The following CLCN6 variants were observed in gnomAD, a reference collection of about 807,000 sequenced individuals.
CLCN6 encodes Cl-/H+ antiporter 6, also known as H(+)/Cl(-) exchange transporter 6.
CLCN6 carries 70 observed loss-of-function variants against 109.8 expected under a neutral mutation model. That is an observed-to-expected ratio of 0.64 (90% CI 0.53 to 0.78). The LOEUF is 0.78. Among genes scored for constraint, CLCN6 ranks in the 30% least tolerant of loss-of-function variants. The pLI, the probability that CLCN6 is intolerant of heterozygous loss-of-function variation, is 0.00. For synonymous variants in CLCN6, 444 were observed against 447.8 expected (o/e 0.99, Z 0.11); for missense variants, 984 against 1,142.3 (o/e 0.86, Z 2.00).
chr1:11,813,218 C>A (rs926880085), intron 2 of CLCN6, among the ~76,000 whole-genome samples: 1 of 152,174 alleles, frequency 6.6e-6, no homozygotes, highest in African/African-American at 2.4e-5. Context: ...TCCCATTAAT[C>A]TGCCTTTTGT....
chr1:11,830,743 A>ATAT (rs1402305219), intron 13 of CLCN6, among the ~76,000 whole-genome samples: 2 of 100,640 alleles, frequency 2.0e-5, no homozygotes, highest in Non-Finnish European at 4.3e-5. Context: ...TATATTATAT[A>ATAT]TATATATATA....
In CLCN6 at chr1:11,806,215, C is replaced by T; in HGVS notation, c.-48C>T. On this transcript the variant is annotated 5_prime_UTR_variant, in exon 1 of 23. Coordinates refer to ENST00000346436, the MANE Select transcript of CLCN6 (RefSeq NM_001286.5). ...CAGTCACGTGAGGCGCAGATCCTGG[C>T]TGGGAGGGGGTTGGTAGAGGGGTCC... 7.2e-7 allele frequency: 1 copy of T among 1,387,078 alleles called. No homozygotes were observed. The highest frequency in any genetic ancestry group is 9.4e-7 in the Non-Finnish European group (1 of 1,063,258). The allele number at this position is 1,387,078 out of a possible 1,614,324, so 85.9% of individuals were successfully genotyped here. A position where few individuals can be genotyped will look rare whatever the true frequency, so the allele number is the denominator to read the frequency against.
chr1:11,814,957 C>T (rs56170537), intron 2 of CLCN6, among the ~76,000 whole-genome samples: 66 of 151,210 alleles, frequency 4.4e-4, no homozygotes, highest in Non-Finnish European at 6.6e-4. Context: ...GGTGTGAACC[C>T]GGGAGGCGGA....
At chr1:11,808,924 T>A (rs1278066763) in intron 2 of CLCN6, among the ~76,000 whole-genome samples, 2 of 151,996 alleles carry the variant, frequency 1.3e-5, no homozygotes, top group Non-Finnish European at 2.9e-5. Context: ...AATGGCTCGA[T>A]CTCAGCTCAC....
chr1:11,824,436 A>T (rs547643862), intron 7 of CLCN6, 50 bp from the exon 8 acceptor site: 2 of 1,489,314 alleles, frequency 1.3e-6, no homozygotes, highest in Admixed American at 3.5e-5. Flanking sequence ...CTCCTGACCC[A>T]GGGGCGTTTC....
Position 11,833,701 on chromosome 1 carries a change from T to C in CLCN6, c.1372+63T>C, listed in dbSNP as rs1251440511. 9 of 1,604,754 alleles carry C rather than the reference T, an allele frequency of 5.6e-6. No individual in the cohort carries two copies. The East Asian group carries it at 2.0e-4, about 36-fold the overall frequency. On this transcript the variant is annotated intron_variant, in intron 14 of 22. Coordinates refer to ENST00000346436, the MANE Select transcript of CLCN6 (RefSeq NM_001286.5). ...GTGTCATCTCGGACACAGCCAGGCT[T>C]GCCCTTCATTCCAAGCAAGACCAGG...
intron 2 of CLCN6, among the ~76,000 whole-genome samples, chr1:11,810,383 TAGAA>T (rs985999566): frequency 1.4e-4 from 21 of 152,162 alleles, no homozygotes; most frequent in Admixed American, 5.2e-4. Flanking sequence ...ACCTTTGAAT[TAGAA>T]AGAGGCACAC....
At chr1:11,808,034 C>T (rs558706402) in intron 2 of CLCN6, among the ~76,000 whole-genome samples, 6 of 152,070 alleles carry the variant, frequency 3.9e-5, no homozygotes, top group Non-Finnish European at 7.4e-5. Context: ...GGATTTGTAG[C>T]ACTTTTTTGT....
intron 13 of CLCN6, 85 bp from the exon 14 acceptor site, chr1:11,833,430 C>G: frequency 7.2e-7 from 1 of 1,389,820 alleles, no homozygotes; most frequent in Non-Finnish European, 1.0e-6. Flanking sequence ...GTGCAGCCAC[C>G]TGTTTTGGAC....
intron 21 of CLCN6, 26 bp from the exon 22 acceptor site, chr1:11,838,509 G>A: frequency 6.2e-7 from 1 of 1,606,832 alleles, no homozygotes; most frequent in South Asian, 1.1e-5. Context: ...GTCTCAGGCA[G>A]TCAGTGACAC....
intron 2 of CLCN6, among the ~76,000 whole-genome samples, chr1:11,808,714 A>G (rs1292828256): frequency 6.9e-6 from 1 of 145,740 alleles, no homozygotes; most frequent in Non-Finnish European, 1.5e-5. Flanking sequence ...ATTTGACAAC[A>G]TAATTAGGAC....
intron 22 of CLCN6, among the ~76,000 whole-genome samples, chr1:11,839,606 G>A (rs1235485157): frequency 3.9e-5 from 6 of 152,210 alleles, no homozygotes; most frequent in Non-Finnish European, 4.4e-5. Context: ...TGCATAGTGC[G>A]TACTTACACA....
chr1:11,836,027 C>A lies in CLCN6; in HGVS notation c.1854C>A (p.Ile618=). 2 of 1,614,024 alleles carry A rather than the reference C, an allele frequency of 1.2e-6. No homozygotes were observed. Among genetic ancestry groups the A allele is most frequent in the Non-Finnish European group, 1.7e-6 (2 of 1,179,980 alleles). The change falls in exon 18 of 23, where the codon ATC becomes ATA. Residue 618 remains isoleucine, a synonymous_variant. Transcript: ENST00000346436. ...NLTYVYPHTR[I]QSLVSILRTT... Reference sequence around the variant, plus strand: ...CCTACGTCTACCCGCACACCCGCATCCAGTCTCTGGTGAGCATCCTGCGCA... The same window carrying A: ...CCTACGTCTACCCGCACACCCGCATACAGTCTCTGGTGAGCATCCTGCGCA...
intron 2 of CLCN6, among the ~76,000 whole-genome samples, chr1:11,808,226 T>TG (rs1557776316): frequency 1.5e-4 from 18 of 122,756 alleles, no homozygotes; most frequent in South Asian, 5.3e-4. Flanking sequence ...TGTGTGTGTG[T>TG]TTGTGTGTGT....
chr1:11,840,387 G>C lies in CLCN6; in HGVS notation c.*164G>C. 3.0e-6 allele frequency: 2 copies of C among 673,978 alleles called. No homozygotes were observed. Among genetic ancestry groups the C allele is most frequent in the Non-Finnish European group, 5.3e-6 (2 of 378,004 alleles). The allele number at this position is 673,978 out of a possible 1,614,324, so 41.7% of individuals were successfully genotyped here. On this transcript the variant is annotated 3_prime_UTR_variant, in exon 23 of 23. Coordinates refer to ENST00000346436, the MANE Select transcript of CLCN6 (RefSeq NM_001286.5). Reference sequence around the variant, plus strand: ...CACCTTGCTGGTCAGAGGTCCTGGGGGTGGTTTTGAACCATCAGAGCTTGG... The same window carrying C: ...CACCTTGCTGGTCAGAGGTCCTGGGCGTGGTTTTGAACCATCAGAGCTTGG...
intron 13 of CLCN6, chr1:11,830,157 C>T (rs1182293463): frequency 2.0e-5 from 3 of 152,184 alleles, no homozygotes; most frequent in Non-Finnish European, 4.4e-5. Context: ...TGAGGTAGTC[C>T]GTGGAGCCTA....
chr1:11,822,924 G>A, intron 6 of CLCN6, 123 bp downstream of exon 6: 1 of 668,746 alleles, frequency 1.5e-6, no homozygotes, highest in Non-Finnish European at 2.7e-6. Flanking sequence ...GTGGCCTCTT[G>A]TTCACTAAAG....
Position 11,840,481 on chromosome 1 carries a change from G to A in CLCN6, c.*258G>A. 1 of 555,198 alleles carries A rather than the reference G, an allele frequency of 1.8e-6. No individual in the cohort carries two copies. Among genetic ancestry groups the A allele is most frequent in the Non-Finnish European group, 3.3e-6 (1 of 307,158 alleles). The allele number at this position is 555,198 out of a possible 1,614,324, so 34.4% of individuals were successfully genotyped here. On this transcript the variant is annotated 3_prime_UTR_variant, in exon 23 of 23. Transcript: ENST00000346436. ...CCTGTGTTCCCACCCTCCAGTGTTG[G>A]CACAGGCCCACCCCTGGCTCCACCA... is the stretch of plus-strand genomic sequence containing the variant.
intron 2 of CLCN6, among the ~76,000 whole-genome samples, chr1:11,808,954 T>TA (rs995865668): frequency 3.9e-5 from 6 of 152,038 alleles, no homozygotes; most frequent in African/African-American, 1.4e-4. Flanking sequence ...CACCCCACCC[T>TA]AGGTTCAAGC....
Sources: allele counts gnomAD v4.1 joint callset (sites outside exome capture counted in the v4.1 genomes callset), GRCh38; gene constraint gnomAD v4.1.1; transcripts MANE v1.5; gene names NCBI Gene and HGNC (gene_info 2026-07-23, HGNC 2026-07-21).